The following KLHL4 variants were observed in gnomAD, a reference collection of about 807,000 sequenced individuals.
KLHL4 encodes kelch like family member 4, also known as kelch-like protein 4.
KLHL4 carries 17 observed loss-of-function variants against 45.8 expected under a neutral mutation model. The ratio of observed to expected loss-of-function variants is 0.37; its 90% CI spans 0.25 to 0.56. The LOEUF is 0.56. Ranked by LOEUF, KLHL4 falls within the 20% of genes least tolerant of loss-of-function variation. KLHL4 has a pLI of 0.79. For missense variants in KLHL4, 544 were observed against 544.9 expected (o/e 1.00, Z 0.02); for synonymous variants, 224 against 189.9 (o/e 1.18, Z -1.47).
chrX:87,666,009 G>A (rs1212128433), intron 10 of KLHL4, among the ~76,000 whole-genome samples: 1 of 111,578 alleles, frequency 9.0e-6, no homozygotes, highest in Non-Finnish European at 1.9e-5. Context: ...CCAGCTTACG[G>A]GATTTATTTT....
chrX:87,544,389 G>A (rs943191216), intron 1 of KLHL4, among the ~76,000 whole-genome samples: 1 of 111,697 alleles, frequency 9.0e-6, no homozygotes, highest in Admixed American at 9.5e-5. Context: ...CCTAGGGCCT[G>A]GGGGACCTCA....
intron 9 of KLHL4, among the ~76,000 whole-genome samples, chrX:87,649,403 A>G (rs778836977): frequency 9.4e-4 from 105 of 111,703 alleles, no homozygotes; most frequent in Non-Finnish European, 1.1e-3. Flanking sequence ...GTAGTTCCGT[A>G]CATATTCTGG....
intron 1 of KLHL4, among the ~76,000 whole-genome samples, chrX:87,610,503 T>C: frequency 8.9e-6 from 1 of 112,117 alleles, no homozygotes; most frequent in East Asian, 2.8e-4. Context: ...CCAAATTGTA[T>C]GTATAGTTTT....
intron 1 of KLHL4, among the ~76,000 whole-genome samples, chrX:87,558,482 T>C (rs1017248373): frequency 5.4e-5 from 6 of 111,960 alleles, no homozygotes; most frequent in African/African-American, 9.7e-5. Context: ...ATTACGTGTA[T>C]ATTTAAGCAT....
At chrX:87,594,667 A>T (rs1190082050) in intron 1 of KLHL4, among the ~76,000 whole-genome samples, 1 of 111,658 alleles carries the variant, frequency 9.0e-6, no homozygotes, top group African/African-American at 3.3e-5. Flanking sequence ...CACAAACTAC[A>T]TATTGCTGTT....
intron 9 of KLHL4, among the ~76,000 whole-genome samples, chrX:87,636,719 C>T (rs1331307769): frequency 9.1e-6 from 1 of 110,020 alleles, no homozygotes; most frequent in Non-Finnish European, 1.9e-5. Context: ...CCCCACTTTC[C>T]CGGTGGCCTA....
intron 7 of KLHL4, among the ~76,000 whole-genome samples, chrX:87,632,702 C>A (rs905892871): frequency 9.0e-6 from 1 of 111,090 alleles, no homozygotes; most frequent in Non-Finnish European, 1.9e-5. Context: ...AAATAATATA[C>A]AACTACAGCA....
intron 1 of KLHL4, among the ~76,000 whole-genome samples, chrX:87,597,503 G>T (rs976799217): frequency 4.5e-5 from 5 of 110,990 alleles, no homozygotes; most frequent in Non-Finnish European, 5.7e-5. Context: ...TATTTCTCTT[G>T]AGTTTGTTTC....
intron 1 of KLHL4, among the ~76,000 whole-genome samples, chrX:87,564,643 C>T (rs1332700759): frequency 9.0e-6 from 1 of 111,424 alleles, no homozygotes; most frequent in African/African-American, 3.3e-5. Context: ...GCATACATAG[C>T]TAACAACACA....
chrX:87,549,360 G>T (rs934254693), intron 1 of KLHL4, among the ~76,000 whole-genome samples: 1 of 111,320 alleles, frequency 9.0e-6, no homozygotes, highest in East Asian at 2.8e-4. Flanking sequence ...GCATTGGACA[G>T]ATTTTCCAGA....
chrX:87,533,017 C>T (rs1451867257), intron 1 of KLHL4, among the ~76,000 whole-genome samples: 1 of 105,899 alleles, frequency 9.4e-6, no homozygotes, highest in Admixed American at 1.0e-4. Context: ...CCATCTCACA[C>T]CAGTTAGAAT....
chrX:87,576,341 T>G (rs1921101499), intron 1 of KLHL4, among the ~76,000 whole-genome samples: 1 of 111,558 alleles, frequency 9.0e-6, no homozygotes, highest in Non-Finnish European at 1.9e-5. Context: ...AAAAAAAACT[T>G]TATATGCCAA....
At chrX:87,578,473 T>C (rs1348066175) in intron 1 of KLHL4, among the ~76,000 whole-genome samples, 1 of 111,443 alleles carries the variant, frequency 9.0e-6, no homozygotes, top group Admixed American at 9.6e-5. Flanking sequence ...CAGCCCTCAT[T>C]CCCCACAGAA....
intron 1 of KLHL4, among the ~76,000 whole-genome samples, chrX:87,573,065 T>C (rs1301486147): frequency 8.9e-6 from 1 of 112,011 alleles, no homozygotes; most frequent in African/African-American, 3.2e-5. Flanking sequence ...AAGGCATTTG[T>C]TTGAGTTACC....
chrX:87,581,905 A>T (rs746531394), intron 1 of KLHL4, among the ~76,000 whole-genome samples: 1 of 112,104 alleles, frequency 8.9e-6, no homozygotes, highest in South Asian at 3.7e-4. Context: ...GGTAAAAATG[A>T]ACTTCACTGA....
At chrX:87,563,557 TG>T (rs1245031925) in intron 1 of KLHL4, among the ~76,000 whole-genome samples, 1 of 97,533 alleles carries the variant, frequency 1.0e-5, no homozygotes, top group Non-Finnish European at 2.0e-5. Flanking sequence ...GAAGAAAGAA[TG>T]AGTGAGCTTG....
At position 87,539,194 on chromosome X, in the gene KLHL4, T is replaced by C. The variant is rs138368526; in HGVS notation, c.422+20879T>C. On this transcript the variant is annotated intron_variant, in intron 1 of 10. Transcript: ENST00000373119. Reference sequence around the variant, plus strand: ...TTGTGTCATTTTTGTTTTAGACTGTTGCCATACTAGTATTTCTAAAATCTT... The same window carrying C: ...TTGTGTCATTTTTGTTTTAGACTGTCGCCATACTAGTATTTCTAAAATCTT... Among the ~76,000 whole-genome samples the C allele has an allele frequency of 2.8e-3, 316 of 111,296 alleles. 1 individual carries two copies. The highest frequency in any genetic ancestry group is 1.0e-2 in the African/African-American group (307 of 30,766).
chrX:87,568,121 T>C (rs1300676059), intron 1 of KLHL4, among the ~76,000 whole-genome samples: 2 of 110,611 alleles, frequency 1.8e-5, no homozygotes, highest in Non-Finnish European at 3.8e-5. Context: ...ATGATGTACC[T>C]AGAGGAGTCA....
At chrX:87,665,945 GA>G (rs929944334) in intron 10 of KLHL4, among the ~76,000 whole-genome samples, 1 of 110,748 alleles carries the variant, frequency 9.0e-6, no homozygotes, top group East Asian at 2.8e-4. Flanking sequence ...GAAATCGAAG[GA>G]AAAAAAATAT....
Sources: gnomAD v4.1 joint callset for allele counts (sites outside exome capture counted in the v4.1 genomes callset) on GRCh38, gnomAD v4.1.1 for gene constraint, MANE v1.5 for transcripts, NCBI Gene and HGNC (gene_info 2026-07-23, HGNC 2026-07-21) for gene names.